The following PIK3R1 variants were observed in gnomAD, a reference collection of about 807,000 sequenced individuals.
PIK3R1 encodes phosphoinositide-3-kinase regulatory subunit 1.
PIK3R1 carries 29 observed loss-of-function variants against 98.0 expected under a neutral mutation model. That is an observed-to-expected ratio of 0.30 (90% CI 0.22 to 0.40). The LOEUF (loss-of-function observed/expected upper bound fraction) is 0.40, where lower values mean the gene tolerates loss of function less well. Ranked by LOEUF, PIK3R1 falls within the 10% of genes least tolerant of loss-of-function variation. The pLI is 1.00. For synonymous variants in PIK3R1, 282 were observed against 311.8 expected (o/e 0.90, Z 1.01); for missense variants, 596 against 872.7 (o/e 0.68, Z 3.99).
chr5:68,219,800 G>A (rs1222196133), intron 1 of PIK3R1, among the ~76,000 whole-genome samples: 3 of 152,168 alleles, frequency 2.0e-5, no homozygotes, highest in Non-Finnish European at 2.9e-5. Context: ...TGTTAAATCT[G>A]AATTGTATAA....
rs56392116 is a variant in PIK3R1, at chr5:68,297,905, G to T, written c.*304G>T. 1.1e-3 allele frequency: 293 copies of T among 260,298 alleles called. 1 individual carries two copies. The highest frequency in any genetic ancestry group is 1.7e-3 in the Non-Finnish European group (233 of 136,320). 16.1% of individuals were successfully genotyped at this position (260,298 alleles called of 1,614,324 possible). A position where few individuals can be genotyped will look rare whatever the true frequency, so the allele number is the denominator to read the frequency against. On this transcript the variant is annotated 3_prime_UTR_variant, in exon 16 of 16. Transcript: ENST00000521381. ...GAAAAAGAAATGCAAAAATCTCTGC[G>T]TGCAGGGACAAAGAGGCCTTTAACC...
chr5:68,296,121 T>C (rs771930179), intron 14 of PIK3R1, 50 bp from the exon 15 acceptor site: 3 of 1,572,356 alleles, frequency 1.9e-6, no homozygotes, highest in East Asian at 2.2e-5. Flanking sequence ...CAAGGCAGGC[T>C]GATGGCTCCT....
At chr5:68,277,916 A>C (rs1746647656) in intron 4 of PIK3R1, among the ~76,000 whole-genome samples, 1 of 152,164 alleles carries the variant, frequency 6.6e-6, no homozygotes, top group Admixed American at 6.5e-5. Context: ...TTACAAACGT[A>C]GTATCTTGCC....
chr5:68,240,517 A>C (rs891290105), intron 2 of PIK3R1, among the ~76,000 whole-genome samples: 7 of 152,234 alleles, frequency 4.6e-5, no homozygotes, highest in Non-Finnish European at 1.0e-4. Context: ...CTGTGATTGG[A>C]ATCATCTAAC....
At chr5:68,276,166 G>C (rs1374229925) in intron 4 of PIK3R1, among the ~76,000 whole-genome samples, 1 of 152,030 alleles carries the variant, frequency 6.6e-6, no homozygotes, top group Admixed American at 6.5e-5. Flanking sequence ...GACAGTTTTT[G>C]GTTTCATTTA....
chr5:68,295,621 C>A, intron 14 of PIK3R1, 133 bp downstream of exon 14: 1 of 744,384 alleles, frequency 1.3e-6, no homozygotes, highest in Non-Finnish European at 2.3e-6. Flanking sequence ...AATGTATAAA[C>A]TCAGTGCCAT....
intron 7 of PIK3R1, chr5:68,290,936 A>G (rs947510219): frequency 4.5e-5 from 33 of 726,668 alleles, no homozygotes; most frequent in Non-Finnish European, 6.2e-5. Context: ...GTTTTTATTA[A>G]TTTGTTTCAT....
rs962657517 is a variant in PIK3R1, at chr5:68,226,586, C to T, written c.-90C>T. The stretch of plus-strand genomic sequence containing the variant: ...TGGACACATAATAGGAATTCTAACA[C>T]ATTCTCTGAATTCACTTTTCATAAA... On this transcript the variant is annotated 5_prime_UTR_variant, in exon 2 of 16. Transcript: ENST00000521381. The T allele has an allele frequency of 1.9e-6, 2 of 1,035,558 alleles. No individual in the cohort carries two copies. Among genetic ancestry groups the T allele is most frequent in the Non-Finnish European group, 2.9e-6 (2 of 689,610 alleles). The allele number at this position is 1,035,558 out of a possible 1,614,324, so 64.1% of individuals were successfully genotyped here. A position where few individuals can be genotyped will look rare whatever the true frequency, so the allele number is the denominator to read the frequency against.
At chr5:68,230,136 C>A (rs534506011) in intron 2 of PIK3R1, among the ~76,000 whole-genome samples, 3 of 152,214 alleles carry the variant, frequency 2.0e-5, no homozygotes, top group South Asian at 2.1e-4. Context: ...ATCTGCCTGA[C>A]TGACCCACTC....
intron 1 of PIK3R1, among the ~76,000 whole-genome samples, chr5:68,218,009 AATG>A (rs1743965184): frequency 6.6e-6 from 1 of 152,208 alleles, no homozygotes; most frequent in African/African-American, 2.4e-5. Flanking sequence ...TTTTAAAAAT[AATG>A]ATATCAGTGA....
chr5:68,238,973 G>GA (rs1362755120), intron 2 of PIK3R1, among the ~76,000 whole-genome samples: 5 of 129,216 alleles, frequency 3.9e-5, no homozygotes, highest in Non-Finnish European at 8.3e-5. Context: ...AGCAATAAAT[G>GA]CCAAAAAAAA....
chr5:68,226,318 ACAAT>A lies in PIK3R1; in HGVS notation c.-355_-352del, dbSNP rs1437181339. ...AAGCTCGTGTGTGGAGTGCCACGGT[ACAAT>A]CAGACGACAGATGGACAGTGTGACA... On this transcript the variant is annotated 5_prime_UTR_variant, in exon 2 of 16. Coordinates refer to ENST00000521381, the MANE Select transcript of PIK3R1 (RefSeq NM_181523.3). 6 of 421,204 alleles carry A rather than the reference ACAAT, an allele frequency of 1.4e-5. No individual in the cohort carries two copies. The Admixed American group carries it at 2.3e-4, about 16-fold the overall frequency. 26.1% of individuals were successfully genotyped at this position (421,204 alleles called of 1,614,324 possible).
At chr5:68,270,234 AC>A (rs1746290530) in intron 2 of PIK3R1, among the ~76,000 whole-genome samples, 2 of 152,152 alleles carry the variant, frequency 1.3e-5, no homozygotes. Context: ...GTAAACTAAC[AC>A]TTTTTGCCGA....
intron 4 of PIK3R1, among the ~76,000 whole-genome samples, chr5:68,275,885 G>A (rs1290081639): frequency 6.6e-6 from 1 of 152,096 alleles, no homozygotes; most frequent in Non-Finnish European, 1.5e-5. Context: ...CTTTGAAAAG[G>A]ACAGACATGG....
chr5:68,293,857 ATTAAAAAATAAGAGTTCTAAACTT>A lies in PIK3R1; in HGVS notation c.1425+29_1425+52del, dbSNP rs747875390. 196 of 1,528,398 alleles carry A rather than the reference ATTAAAAAATAAGAGTTCTAAACTT, an allele frequency of 1.3e-4. 3 individuals are homozygous for A. The South Asian group carries it at 2.4e-3, about 18-fold the overall frequency. The allele number at this position is 1,528,398 out of a possible 1,614,324, so 94.7% of individuals were successfully genotyped here. ...CAGGTGAGTTTTCTATGAAAATCAG[ATTAAAAAATAAGAGTTCTAAACTT>A]TTAAAGACTAACATGGAAAAAAGAA... On this transcript the variant is annotated intron_variant, in intron 11 of 15. Coordinates refer to ENST00000521381, the MANE Select transcript of PIK3R1 (RefSeq NM_181523.3).
intron 1 of PIK3R1, among the ~76,000 whole-genome samples, chr5:68,219,361 G>T (rs1005137537): frequency 1.2e-4 from 19 of 152,340 alleles, no homozygotes; most frequent in African/African-American, 4.3e-4. Flanking sequence ...TCTGGCCACA[G>T]TGTGAGGAGG....
intron 2 of PIK3R1, among the ~76,000 whole-genome samples, chr5:68,258,204 G>A (rs1364411281): frequency 6.6e-6 from 1 of 152,178 alleles, no homozygotes; most frequent in African/African-American, 2.4e-5. Flanking sequence ...CATAGCTCGT[G>A]GGGATGCTAC....
intron 6 of PIK3R1, 59 bp from the exon 7 acceptor site, chr5:68,280,868 T>C: frequency 7.7e-7 from 1 of 1,296,276 alleles, no homozygotes; most frequent in Non-Finnish European, 1.1e-6. Flanking sequence ...TGAGTGTATA[T>C]AAATGAAAAT....
intron 2 of PIK3R1, among the ~76,000 whole-genome samples, chr5:68,238,189 A>G (rs924770310): frequency 2.6e-5 from 4 of 152,154 alleles, no homozygotes; most frequent in African/African-American, 9.7e-5. Context: ...GCTAACCAAA[A>G]CCATGTTGAA....
Sources: gnomAD v4.1 joint callset for allele counts (sites outside exome capture counted in the v4.1 genomes callset) on GRCh38, gnomAD v4.1.1 for gene constraint, MANE v1.5 for transcripts, NCBI Gene and HGNC (gene_info 2026-07-23, HGNC 2026-07-21) for gene names.